The following DYNC2H1 variants were observed in gnomAD, a reference collection of about 807,000 sequenced individuals.
DYNC2H1 encodes the protein cytoplasmic dynein 2 heavy chain 1.
A neutral mutation model predicts 570.0 loss-of-function variants in DYNC2H1; 410 were observed. That is an observed-to-expected ratio of 0.72 (90% CI 0.66 to 0.78). The LOEUF is 0.78. DYNC2H1 is among the 30% of genes least tolerant of loss of function. The pLI is 0.00. For missense variants in DYNC2H1, 4,865 were observed against 5,046.4 expected (o/e 0.96, Z 1.09); for synonymous variants, 1,688 against 1,677.6 (o/e 1.01, Z -0.15).
Position 103,358,309 on chromosome 11 carries a change from TG to T in DYNC2H1, c.12108del (p.Trp4036CysfsTer15), listed in dbSNP as rs1451955624. The T allele has an allele frequency of 3.8e-6, 6 of 1,591,596 alleles. No homozygotes were observed. The highest frequency in any genetic ancestry group is 1.7e-6 in the Non-Finnish European group (2 of 1,167,772). ...TAGSKFDREI[W>X]SNELSPVLNL... ...TGGTTCCAAATTTGATAGAGAAATCTGGTCTAATGAACTTTCTCCTGTCCTC... is the reference window on the plus strand; with the variant it reads ...TGGTTCCAAATTTGATAGAGAAATCTGTCTAATGAACTTTCTCCTGTCCTC... On this transcript the variant is annotated frameshift_variant, in exon 83 of 89. Transcript: ENST00000375735. LOFTEE classifies it high-confidence loss of function.
rs779164884 is a variant in DYNC2H1, at chr11:103,479,167, G to A, written c.12838G>A (p.Val4280Met). The change falls in exon 89 of 89, where the codon GTG (valine) becomes ATG (methionine). Residue 4280 changes from valine to methionine, a missense_variant. Val to Met is a conservative substitution (Grantham distance 21, BLOSUM62 1). Transcript: ENST00000375735. ...TTACACAAGTGCTGAAAGGGATCGT[G>A]TGGTTACCAATATTGATGTTCCATG... is the stretch of plus-strand genomic sequence containing the variant. ...PVYTSAERDR[V>M]VTNIDVPCGG... is the part of the protein sequence containing the mutation. The A allele has an allele frequency of 1.9e-6, 3 of 1,613,858 alleles. No individual in the cohort carries two copies. Among genetic ancestry groups the A allele is most frequent in the Admixed American group, 1.7e-5 (1 of 60,016 alleles).
intron 85 of DYNC2H1, among the ~76,000 whole-genome samples, chr11:103,444,311 A>G (rs547652874): frequency 7.5e-4 from 114 of 152,130 alleles, no homozygotes; most frequent in African/African-American, 2.7e-3. Flanking sequence ...AGATAATTTC[A>G]ACCTATAGAG....
intron 87 of DYNC2H1, among the ~76,000 whole-genome samples, chr11:103,459,494 G>A (rs370927088): frequency 3.3e-5 from 5 of 151,908 alleles, no homozygotes; most frequent in Non-Finnish European, 7.4e-5. Context: ...ATAAGCATTC[G>A]ATCAAACCCT....
intron 37 of DYNC2H1, 25 bp downstream of exon 37, chr11:103,176,459 T>G: frequency 2.1e-6 from 3 of 1,430,066 alleles, no homozygotes; most frequent in East Asian, 5.4e-5. Context: ...TATTTTATAA[T>G]AGATTGATCC....
intron 81 of DYNC2H1, among the ~76,000 whole-genome samples, chr11:103,323,237 C>A (rs1938304413): frequency 6.6e-6 from 1 of 152,158 alleles, no homozygotes; most frequent in African/African-American, 2.4e-5. Context: ...GATTTAAAGT[C>A]ATGAGTGAGT....
At chr11:103,142,645 G>T (rs967171291) in intron 17 of DYNC2H1, among the ~76,000 whole-genome samples, 3 of 152,016 alleles carry the variant, frequency 2.0e-5, no homozygotes, top group Non-Finnish European at 2.9e-5. Flanking sequence ...CTCCAGGCTG[G>T]GTGGCAGAGC....
chr11:103,365,407 A>T (rs1940860316), intron 83 of DYNC2H1, among the ~76,000 whole-genome samples: 1 of 152,308 alleles, frequency 6.6e-6, no homozygotes, highest in Middle Eastern at 3.4e-3. Flanking sequence ...TAAATTAGTA[A>T]TAGAAGGTTG....
intron 4 of DYNC2H1, among the ~76,000 whole-genome samples, chr11:103,116,037 T>C (rs1277442036): frequency 6.6e-6 from 1 of 152,194 alleles, no homozygotes; most frequent in African/African-American, 2.4e-5. Context: ...ATAAAAAGTC[T>C]ACTCTTTTCA....
chr11:103,159,124 C>A, intron 28 of DYNC2H1, 97 bp downstream of exon 28: 2 of 881,352 alleles, frequency 2.3e-6, no homozygotes, highest in South Asian at 1.7e-5. Context: ...ATACAGCAGT[C>A]AGTTCATATA....
chr11:103,149,700 G>T (rs1287187261), intron 20 of DYNC2H1, among the ~76,000 whole-genome samples: 1 of 152,120 alleles, frequency 6.6e-6, no homozygotes, highest in Non-Finnish European at 1.5e-5. Context: ...ATGTATTCCA[G>T]GCATTGTACT....
chr11:103,332,281 C>A lies in DYNC2H1; in HGVS notation c.12039+8291C>A, dbSNP rs541844669. ...TTGAAGATAGAGCAATAGAAGTTAC[C>A]CAAACTGAAACATAAGGAGAAAAAA... is the stretch of plus-strand genomic sequence containing the variant. On this transcript the variant is annotated intron_variant, in intron 82 of 88. Transcript: ENST00000375735. Among the ~76,000 whole-genome samples, 15 of 144,432 alleles carry A rather than the reference C, an allele frequency of 1.0e-4. No individual in the cohort carries two copies. In the South Asian group the frequency reaches 3.1e-3, roughly 30 times the overall value. The allele number at this position is 144,432 out of a possible 152,430, so 94.8% of individuals were successfully genotyped here. A position where few individuals can be genotyped will look rare whatever the true frequency, so the allele number is the denominator to read the frequency against.
intron 59 of DYNC2H1, among the ~76,000 whole-genome samples, chr11:103,226,720 C>A (rs1016080928): frequency 2.0e-5 from 3 of 152,080 alleles, no homozygotes; most frequent in Non-Finnish European, 4.4e-5. Flanking sequence ...GTGATACTGG[C>A]TTCATAGATT....
At chr11:103,149,648 G>A (rs766313313) in intron 20 of DYNC2H1, among the ~76,000 whole-genome samples, 1 of 152,186 alleles carries the variant, frequency 6.6e-6, no homozygotes, top group Non-Finnish European at 1.5e-5. Context: ...ATGAGCTGTG[G>A]CAGTTAGCAG....
chr11:103,316,647 C>A, intron 80 of DYNC2H1, 27 bp downstream of exon 80: 1 of 1,432,464 alleles, frequency 7.0e-7, no homozygotes. Context: ...ATTTTAATCT[C>A]ATATTAATAA....
Position 103,133,797 on chromosome 11 carries a change from A to G in DYNC2H1, c.2106+90A>G. The G allele has an allele frequency of 7.5e-7, 1 of 1,326,626 alleles. No homozygotes were observed. The allele number at this position is 1,326,626 out of a possible 1,614,324, so 82.2% of individuals were successfully genotyped here. A position where few individuals can be genotyped will look rare whatever the true frequency, so the allele number is the denominator to read the frequency against. On this transcript the variant is annotated intron_variant, in intron 14 of 88. Transcript: ENST00000375735. The surrounding 1 kb of genome is among the most constrained non-coding windows in gnomAD (Gnocchi z 4.8). ...AATTTTTAAAAACTTATTTTGAAATAATTTGAGACTTAAAGTTACAAAAAT... is the reference window on the plus strand; with the variant it reads ...AATTTTTAAAAACTTATTTTGAAATGATTTGAGACTTAAAGTTACAAAAAT...
chr11:103,173,696 T>C (rs541887794), intron 35 of DYNC2H1, among the ~76,000 whole-genome samples: 2 of 152,236 alleles, frequency 1.3e-5, no homozygotes, highest in South Asian at 4.1e-4. Context: ...TTTGGGACAA[T>C]GTACAATTCT....
chr11:103,273,597 T>G (rs953553221), intron 70 of DYNC2H1, among the ~76,000 whole-genome samples: 1 of 152,220 alleles, frequency 6.6e-6, no homozygotes, highest in African/African-American at 2.4e-5. Flanking sequence ...GTTTTTAGTA[T>G]TATTCTTGAA....
chr11:103,434,983 G>A (rs1944011605), intron 84 of DYNC2H1, among the ~76,000 whole-genome samples: 1 of 152,114 alleles, frequency 6.6e-6, no homozygotes, highest in African/African-American at 2.4e-5. Context: ...CAGACCTCAA[G>A]TCTCAAGAGG....
At position 103,243,677 on chromosome 11, in the gene DYNC2H1, CT is replaced by C. The variant is rs771451646; in HGVS notation, c.9820-8del. The stretch of plus-strand genomic sequence containing the variant: ...TAATCATTAAAAAACATTACTTTTC[CT>C]TTTTTTTATACTAGAGTCGAGTGTG... On this transcript the variant is annotated splice_polypyrimidine_tract_variant and intron_variant, in intron 63 of 88. Coordinates refer to ENST00000375735, the MANE Select transcript of DYNC2H1 (RefSeq NM_001377.3). This position sits in a 1 kb window ranked among gnomAD's most constrained non-coding sequence, Gnocchi z 4.8. 3.6e-5 allele frequency: 55 copies of C among 1,542,858 alleles called. No homozygotes were observed. Among genetic ancestry groups the C allele is most frequent in the South Asian group, 1.4e-4 (12 of 82,980 alleles).
Sources: gnomAD v4.1 joint callset for allele counts (sites outside exome capture counted in the v4.1 genomes callset) on GRCh38, gnomAD v4.1.1 for gene constraint, Gnocchi (gnomAD v3.1) non-coding constraint, MANE v1.5 for transcripts, NCBI Gene and HGNC (gene_info 2026-07-23, HGNC 2026-07-21) for gene names.